Variants in SEC24D observed in about 807,000 individuals in gnomAD.
SEC24D encodes SEC24 homolog D, COPII component, also known as protein transport protein Sec24D.
Under a neutral mutation model 116.9 loss-of-function variants are expected in SEC24D, and 69 were observed. The ratio of observed to expected loss-of-function variants is 0.59; its 90% confidence interval spans 0.49 to 0.72. The LOEUF (loss-of-function observed/expected upper bound fraction) is 0.72, where lower values mean the gene tolerates loss of function less well. Ranked by LOEUF, SEC24D falls within the 30% of genes least tolerant of loss-of-function variation. The probability of loss-of-function intolerance (pLI) is 0.00; values close to 1 mark genes in which losing one functional copy is unlikely to be tolerated. For missense variants in SEC24D, 1,131 were observed against 1,264.1 expected (o/e 0.89, Z 1.60); for synonymous variants, 405 against 442.8 (o/e 0.91, Z 1.07).
chr4:118,762,476 C>T (rs538726391), intron 10 of SEC24D, among the ~76,000 whole-genome samples: 1 of 152,246 alleles, frequency 6.6e-6, no homozygotes, highest in South Asian at 2.1e-4. Flanking sequence ...ATTTAGCCTA[C>T]AGCTTGGCAC....
chr4:118,812,246 T>C (rs771593320), intron 6 of SEC24D, among the ~76,000 whole-genome samples: 13 of 152,130 alleles, frequency 8.5e-5, no homozygotes, highest in Non-Finnish European at 1.8e-4. Context: ...GATATGTCCA[T>C]GTCCTAATCT....
intron 11 of SEC24D, 99 bp downstream of exon 11, chr4:118,757,622 A>G: frequency 9.0e-7 from 1 of 1,115,524 alleles, no homozygotes; most frequent in Non-Finnish European, 1.3e-6. Context: ...TGTCCTCATT[A>G]GCAAAAAAAA....
At chr4:118,831,028 T>C (rs569268030) in intron 2 of SEC24D, among the ~76,000 whole-genome samples, 1 of 152,222 alleles carries the variant, frequency 6.6e-6, no homozygotes, top group African/African-American at 2.4e-5. Flanking sequence ...AGAGGTTTTT[T>C]TGCTTGTTTG....
rs566872148 is a variant in SEC24D, at chr4:118,833,582, T to C, written c.115A>G (p.Thr39Ala). The change falls in exon 2 of 23, where the codon ACA becomes GCA. Residue 39 changes from threonine (T) to alanine (A), a missense_variant. Coordinates refer to ENST00000280551, the MANE Select transcript of SEC24D (RefSeq NM_014822.4). ...YGDPSHTASP[T>A]GMMKPAGPLG... ...AAGTCAAAATAACACACTGTACCTG[T>C]TGGAGATGCTGTGTGCGACGGATCC... 6.9e-6 allele frequency: 11 copies of C among 1,596,606 alleles called. No individual in the cohort carries two copies. The highest frequency in any genetic ancestry group is 1.3e-5 in the African/African-American group (1 of 74,650).
chr4:118,791,712 T>G (rs1191587262), intron 8 of SEC24D, among the ~76,000 whole-genome samples: 1 of 152,154 alleles, frequency 6.6e-6, no homozygotes, highest in Admixed American at 6.5e-5. Context: ...TTTTGGTGGA[T>G]ACGGGGTTTC....
intron 22 of SEC24D, among the ~76,000 whole-genome samples, chr4:118,726,499 G>A (rs1229487613): frequency 7.9e-5 from 12 of 152,176 alleles, no homozygotes; most frequent in Non-Finnish European, 1.3e-4. Context: ...GAGCTTGGTT[G>A]TAGAATGTTT....
chr4:118,828,446 G>C (rs564421951), intron 2 of SEC24D, among the ~76,000 whole-genome samples: 1 of 152,102 alleles, frequency 6.6e-6, no homozygotes, highest in Non-Finnish European at 1.5e-5. Context: ...CTCCAGACCA[G>C]TGTCCTCAAG....
At chr4:118,800,119 G>A (rs1350133704) in intron 7 of SEC24D, among the ~76,000 whole-genome samples, 2 of 152,136 alleles carry the variant, frequency 1.3e-5, no homozygotes, top group Non-Finnish European at 2.9e-5. Flanking sequence ...GTGGGAGGAT[G>A]CGCTGAGACT....
Position 118,764,906 on chromosome 4 carries a change from A to T in SEC24D, c.1192T>A (p.Tyr398Asn). The T allele has an allele frequency of 1.3e-6, 2 of 1,588,360 alleles. No individual in the cohort carries two copies. Among genetic ancestry groups the T allele is most frequent in the Non-Finnish European group, 8.6e-7 (1 of 1,157,648 alleles). ...CCAATGTGGTCCAGATGTTGGAAAT[A>T]GAATGGTGGAACTAATAAAAACAAA... Reference protein sequence around the residue: ...CNCVNDVPPFYFQHLDHIGRR... With the variant: ...CNCVNDVPPFNFQHLDHIGRR... Residue 398 changes from tyrosine (Y) to asparagine (N), a missense_variant, in exon 10 of 23, where the codon TAT becomes AAT. Transcript: ENST00000280551.
rs1730974424 is a variant in SEC24D at position 118,833,714 on chromosome 4, A to G, written c.-18T>C. The G allele has an allele frequency of 1.3e-6, 2 of 1,547,930 alleles. No individual in the cohort carries two copies. The highest frequency in any genetic ancestry group is 1.7e-5 in the Admixed American group (1 of 57,472). ...TGACTCATTATGAAAATATCATTCC[A>G]TAGGATAATTCTACAAAAGAAGTCT... On this transcript the variant is annotated 5_prime_UTR_variant, in exon 2 of 23. The change abolishes an upstream ATG in the 5' untranslated region. Coordinates refer to ENST00000280551, the MANE Select transcript of SEC24D (RefSeq NM_014822.4).
At chr4:118,803,261 G>T (rs1729528322) in intron 7 of SEC24D, among the ~76,000 whole-genome samples, 1 of 152,174 alleles carries the variant, frequency 6.6e-6, no homozygotes, top group Non-Finnish European at 1.5e-5. Context: ...TAAATTTTAT[G>T]TTATATATAT....
chr4:118,801,589 G>T (rs1339708968), intron 7 of SEC24D, among the ~76,000 whole-genome samples: 1 of 152,058 alleles, frequency 6.6e-6, no homozygotes, highest in Non-Finnish European at 1.5e-5. Flanking sequence ...CATGAACTAA[G>T]AATTTTAAAA....
chr4:118,825,491 C>T (rs1560763263), intron 2 of SEC24D: 1 of 445,834 alleles, frequency 2.2e-6, no homozygotes, highest in East Asian at 7.0e-5. Flanking sequence ...CTCTTTTCTT[C>T]TTGAGAAATT....
chr4:118,831,035 T>C (rs1464397779), intron 2 of SEC24D, among the ~76,000 whole-genome samples: 1 of 152,098 alleles, frequency 6.6e-6, no homozygotes, highest in Non-Finnish European at 1.5e-5. Flanking sequence ...TTTTTGCTTG[T>C]TTGTTTGAGA....
intron 13 of SEC24D, among the ~76,000 whole-genome samples, chr4:118,747,970 T>C (rs1393281275): frequency 6.6e-6 from 1 of 152,162 alleles, no homozygotes; most frequent in Non-Finnish European, 1.5e-5. Flanking sequence ...GTCTTGTTAA[T>C]ATTACCTATA....
chr4:118,760,996 C>T (rs892980880), intron 10 of SEC24D, among the ~76,000 whole-genome samples: 1 of 152,070 alleles, frequency 6.6e-6, no homozygotes, highest in Non-Finnish European at 1.5e-5. Context: ...GGATTACAGG[C>T]ATGAGCCACC....
intron 8 of SEC24D, among the ~76,000 whole-genome samples, chr4:118,783,414 G>A (rs932523849): frequency 2.0e-5 from 3 of 152,210 alleles, no homozygotes; most frequent in Middle Eastern, 6.8e-3. Context: ...CAGGTTCACT[G>A]TCTAGTCTCC....
At chr4:118,769,769 G>A (rs1255425152) in intron 8 of SEC24D, 1 of 152,192 alleles carries the variant, frequency 6.6e-6, no homozygotes, top group Non-Finnish European at 1.5e-5. Flanking sequence ...CTTGCCTCAA[G>A]AAAGCCAGAA....
At chr4:118,791,800 G>A (rs1728921285) in intron 8 of SEC24D, among the ~76,000 whole-genome samples, 1 of 152,210 alleles carries the variant, frequency 6.6e-6, no homozygotes, top group African/African-American at 2.4e-5. Flanking sequence ...TGCCGGGATT[G>A]CAGACGGAGT....
Sources: gnomAD v4.1 joint callset for allele counts (sites outside exome capture counted in the v4.1 genomes callset) on GRCh38, gnomAD v4.1.1 for gene constraint, MANE v1.5 for transcripts, NCBI Gene and HGNC (gene_info 2026-07-23, HGNC 2026-07-21) for gene names.